The following GPC6 variants were observed in gnomAD, a reference collection of about 807,000 sequenced individuals.
GPC6 encodes glypican 6.
In GPC6, 14 loss-of-function variants were observed where a neutral mutation model predicts 55.2. That is an observed-to-expected ratio of 0.25 (90% CI 0.17 to 0.40). GPC6 has a LOEUF of 0.40. GPC6 is among the 10% of genes least tolerant of loss of function. GPC6 has a pLI of 1.00. For missense variants in GPC6, 641 were observed against 708.5 expected (o/e 0.90, Z 1.08); for synonymous variants, 278 against 259.6 (o/e 1.07, Z -0.68).
chr13:93,434,287 A>T (rs73552676), intron 1 of GPC6, among the ~76,000 whole-genome samples: 5,360 of 152,276 alleles, frequency 0.035, 315 homozygotes, highest in African/African-American at 0.12. Flanking sequence ...CAGCCTATAG[A>T]CTGATATTAT....
intron 4 of GPC6, among the ~76,000 whole-genome samples, chr13:94,077,279 G>C (rs1391673533): frequency 2.0e-5 from 3 of 151,530 alleles, no homozygotes; most frequent in Non-Finnish European, 4.4e-5. Flanking sequence ...TCTTCAGATA[G>C]CTCATTGTTA....
At chr13:94,348,262 C>G (rs1229971722) in intron 6 of GPC6, among the ~76,000 whole-genome samples, 1 of 152,168 alleles carries the variant, frequency 6.6e-6, no homozygotes, top group East Asian at 1.9e-4. Context: ...TGGCATTGAC[C>G]TTTTGCCATT....
chr13:94,027,845 C>G lies in GPC6; in HGVS notation c.828C>G (p.Gly276=). ...ACTACTGTCTCAACGTCATGAAGGG[C>G]TGCTTGGCAAATCAGGCTGACCTCG... ...CNNYCLNVMK[G]CLANQADLDT... is the part of the protein sequence containing the mutation. Residue 276 remains glycine (G), a synonymous_variant, in exon 4 of 9, where the codon GGC becomes GGG. Transcript: ENST00000377047. 1 of 1,614,088 alleles carries G rather than the reference C, an allele frequency of 6.2e-7. No individual in the cohort carries two copies. The highest frequency in any genetic ancestry group is 1.1e-5 in the South Asian group (1 of 91,078).
At chr13:93,345,297 G>A (rs1406591153) in intron 1 of GPC6, among the ~76,000 whole-genome samples, 1 of 152,018 alleles carries the variant, frequency 6.6e-6, no homozygotes, top group African/African-American at 2.4e-5. Flanking sequence ...GTTGTTAAAA[G>A]GATTCAGTGA....
rs137858779 is a variant in GPC6 at position 94,216,284 on chromosome 13, T to A, written c.878-70065T>A. ...CATGGTTATTATTTTACTTTCCCCA[T>A]TAACACAGAAGGAAACTGAGGAAGA... On this transcript the variant is annotated intron_variant, in intron 4 of 8. Transcript: ENST00000377047. 6.1e-4 allele frequency among the ~76,000 whole-genome samples: 93 copies of A among 152,304 alleles called. 1 individual carries two copies. The East Asian group carries it at 0.016, about 26-fold the overall frequency.
At chr13:93,332,222 A>G (rs989246456) in intron 1 of GPC6, among the ~76,000 whole-genome samples, 9 of 151,678 alleles carry the variant, frequency 5.9e-5, no homozygotes, top group African/African-American at 1.9e-4. Context: ...ATCCATACCC[A>G]GCAATAGGAT....
intron 2 of GPC6, among the ~76,000 whole-genome samples, chr13:93,812,153 G>C (rs1427451430): frequency 3.3e-5 from 4 of 121,162 alleles, no homozygotes; most frequent in Admixed American, 8.3e-5. Flanking sequence ...GGGGGGGGGG[G>C]CGGGGGGTGG....
chr13:93,893,055 T>C (rs1050392950), intron 3 of GPC6, among the ~76,000 whole-genome samples: 1 of 150,618 alleles, frequency 6.6e-6, no homozygotes, highest in Non-Finnish European at 1.5e-5. Flanking sequence ...GTAATAACCA[T>C]TAAATTTTTT....
chr13:93,883,121 C>T (rs1173988122), intron 3 of GPC6, among the ~76,000 whole-genome samples: 1 of 150,648 alleles, frequency 6.6e-6, no homozygotes, highest in East Asian at 1.9e-4. Context: ...CTGGTCCTCT[C>T]TGTTCAATAT....
At chr13:94,263,443 A>G (rs1891708330) in intron 4 of GPC6, among the ~76,000 whole-genome samples, 1 of 152,188 alleles carries the variant, frequency 6.6e-6, no homozygotes, top group African/African-American at 2.4e-5. Flanking sequence ...CAGAAACTCA[A>G]AAGGGTTGTG....
chr13:93,811,862 CA>C (rs1886703756), intron 2 of GPC6, among the ~76,000 whole-genome samples: 1 of 152,026 alleles, frequency 6.6e-6, no homozygotes, highest in Admixed American at 6.6e-5. Flanking sequence ...CTGCTCTGTG[CA>C]CATCAGTATC....
chr13:93,612,751 T>C (rs886121759), intron 2 of GPC6, among the ~76,000 whole-genome samples: 7 of 152,226 alleles, frequency 4.6e-5, no homozygotes, highest in Non-Finnish European at 8.8e-5. Context: ...AGTCTATTCA[T>C]TTTTAAGATG....
At position 93,694,436 on chromosome 13, in the gene GPC6, C is replaced by T. The variant is rs559789134; in HGVS notation, c.320-135718C>T. Reference sequence around the variant, plus strand: ...TGTATGTTATTCAAAAGTTTCATCTCTTTCCACAAAAACATATTTTAAAAT... The same window carrying T: ...TGTATGTTATTCAAAAGTTTCATCTTTTTCCACAAAAACATATTTTAAAAT... On this transcript the variant is annotated intron_variant, in intron 2 of 8. Coordinates refer to ENST00000377047, the MANE Select transcript of GPC6 (RefSeq NM_005708.5). Among the ~76,000 whole-genome samples the T allele has an allele frequency of 6.3e-4, 96 of 152,278 alleles. No homozygotes were observed. In the Middle Eastern group the frequency reaches 0.014, roughly 22 times the overall value.
intron 3 of GPC6, among the ~76,000 whole-genome samples, chr13:93,974,124 A>G (rs2140397412): frequency 6.6e-6 from 1 of 152,324 alleles, no homozygotes; most frequent in Middle Eastern, 3.4e-3. Flanking sequence ...AACTTTCCCC[A>G]GTGCCTTCTT....
At chr13:94,299,914 T>C (rs2139103532) in intron 5 of GPC6, among the ~76,000 whole-genome samples, 1 of 152,276 alleles carries the variant, frequency 6.6e-6, no homozygotes, top group Non-Finnish European at 1.5e-5. Flanking sequence ...TATTTGAATT[T>C]CCCAAGTAGT....
chr13:93,964,386 C>G (rs1159386032), intron 3 of GPC6, among the ~76,000 whole-genome samples: 1 of 152,134 alleles, frequency 6.6e-6, no homozygotes, highest in Admixed American at 6.5e-5. Context: ...CCATTATTAT[C>G]AATGGCAACT....
At chr13:94,117,794 C>T (rs1204826708) in intron 4 of GPC6, among the ~76,000 whole-genome samples, 1 of 152,070 alleles carries the variant, frequency 6.6e-6, no homozygotes, top group Non-Finnish European at 1.5e-5. Flanking sequence ...TGCAATTACT[C>T]ATTGGGGCAA....
intron 1 of GPC6, among the ~76,000 whole-genome samples, chr13:93,439,561 C>A (rs746629344): frequency 6.6e-6 from 1 of 151,914 alleles, no homozygotes; most frequent in Non-Finnish European, 1.5e-5. Flanking sequence ...ATAAATTACC[C>A]AGCCTCATGA....
chr13:93,401,223 G>A (rs1408218), intron 1 of GPC6, among the ~76,000 whole-genome samples: 20,156 of 149,882 alleles, frequency 0.13, 1,544 homozygotes, highest in African/African-American at 0.19. Flanking sequence ...TTTTGCTGCC[G>A]TATTCCTGGT....
Sources: allele counts gnomAD v4.1 joint callset (sites outside exome capture counted in the v4.1 genomes callset), GRCh38; gene constraint gnomAD v4.1.1; transcripts MANE v1.5; gene names NCBI Gene and HGNC (gene_info 2026-07-23, HGNC 2026-07-21).